PGC: variants seen among roughly 807,000 people sequenced by gnomAD.
PGC encodes gastricsin.
A neutral mutation model predicts 45.9 loss-of-function variants in PGC; 31 were observed. That is an observed-to-expected ratio of 0.67 (90% CI 0.51 to 0.91). PGC has a LOEUF of 0.91. Among genes scored for constraint, PGC ranks in the 40% least tolerant of loss-of-function variants. The pLI is 0.00. For missense variants in PGC, 477 were observed against 493.2 expected (o/e 0.97, Z 0.31); for synonymous variants, 192 against 201.8 (o/e 0.95, Z 0.41).
intron 5 of PGC, 48 bp downstream of exon 5, chr6:41,742,242 G>A (rs1167821129): frequency 2.6e-6 from 4 of 1,552,644 alleles, no homozygotes; most frequent in East Asian, 2.2e-5. Context: ...GTCCAGGGCG[G>A]CCGGGGGAGC....
At chr6:41,742,618 T>A in intron 4 of PGC, 129 bp from the exon 5 acceptor site, 1 of 713,034 alleles carries the variant, frequency 1.4e-6, no homozygotes, top group Non-Finnish European at 2.4e-6. Context: ...TTGTTTTGGT[T>A]TTCTTGTTTG....
At chr6:41,740,062 G>C in intron 6 of PGC, 116 bp from the exon 7 acceptor site, 1 of 863,670 alleles carries the variant, frequency 1.2e-6, no homozygotes, top group South Asian at 1.7e-5. Flanking sequence ...GGAAAGTGAG[G>C]ACCCTGCAAA....
chr6:41,741,594 C>A (rs1400601612), intron 5 of PGC, among the ~76,000 whole-genome samples: 1 of 152,112 alleles, frequency 6.6e-6, no homozygotes, highest in Non-Finnish European at 1.5e-5. Context: ...AGCAGTGAGC[C>A]GAGATTGCGC....
rs867509121 is a variant in PGC, at chr6:41,738,205, T to C, written c.916-377A>G. ...ATATATATATGCATATATATATGCA[T>C]ATATATATGCATATATATATGCATA... On this transcript the variant is annotated intron_variant, in intron 7 of 8. Transcript: ENST00000373025. Among the ~76,000 whole-genome samples the C allele has an allele frequency of 9.3e-4, 59 of 63,302 alleles. 1 individual carries two copies. Among genetic ancestry groups the C allele is most frequent in the South Asian group, 1.6e-3 (3 of 1,890 alleles). The allele number at this position is 63,302 out of a possible 152,430, so 41.5% of individuals were successfully genotyped here.
At position 41,742,433 on chromosome 6, in the gene PGC, A is replaced by T. The variant is rs1408597032; in HGVS notation, c.504T>A (p.Gly168=). Reference sequence around the variant, plus strand: ...CAAACTGCGCATAGACGAAGTTGGTACCAGGCTCATTCTCACTCAAGCCGA... The same window carrying T: ...CAAACTGCGCATAGACGAAGTTGGTTCCAGGCTCATTCTCACTCAAGCCGA... ...QEFGLSENEP[G]TNFVYAQFDG... The change falls in exon 5 of 9, where the codon GGT becomes GGA. Residue 168 remains glycine, a synonymous_variant. Transcript: ENST00000373025. The T allele has an allele frequency of 1.9e-6, 3 of 1,613,974 alleles. No homozygotes were observed. Among genetic ancestry groups the T allele is most frequent in the Non-Finnish European group, 2.5e-6 (3 of 1,180,008 alleles).
chr6:41,738,268 A>T (rs1283152506), intron 7 of PGC, among the ~76,000 whole-genome samples: 1 of 137,432 alleles, frequency 7.3e-6, no homozygotes, highest in Non-Finnish European at 1.5e-5. Flanking sequence ...ATATATGCAC[A>T]CACACACACA....
chr6:41,739,855 G>C lies in PGC; in HGVS notation c.859C>G (p.Gln287Glu). ...GCCTGCAGAAGAGCACTCATGTACT[G>C]CTGGGGCACAGTGAGCAGAGAGGTG... ...TGTSLLTVPQ[Q>E]YMSALLQATG... is the part of the protein sequence containing the mutation. The change falls in exon 7 of 9, where the codon CAG (glutamine) becomes GAG (glutamate). Residue 287 changes from glutamine to glutamate, a missense_variant. Transcript: ENST00000373025. The C allele has an allele frequency of 6.2e-7, 1 of 1,614,158 alleles. No individual in the cohort carries two copies.
At chr6:41,741,002 G>T in intron 5 of PGC, 5 of 1,533,370 alleles carry the variant, frequency 3.3e-6, no homozygotes, top group Non-Finnish European at 4.4e-6. Flanking sequence ...GCTGACTTCT[G>T]GGGGGTCCCC....
At chr6:41,740,942 G>A in intron 5 of PGC, 1 of 1,496,788 alleles carries the variant, frequency 6.7e-7, no homozygotes. Flanking sequence ...TTAGACTGGG[G>A]CTTTCTGGCC....
chr6:41,736,956 G>C lies in PGC; in HGVS notation c.1063C>G (p.Gln355Glu), dbSNP rs1396655788. Reference sequence around the variant, plus strand: ...AGGATCCACAGGGGCTGGCCGTTCTGGGAGGACAGGTAGGTGGGCTCGACT... The same window carrying C: ...AGGATCCACAGGGGCTGGCCGTTCTCGGAGGACAGGTAGGTGGGCTCGACT... ...VGVEPTYLSSQNGQPLWILGD... is the reference protein window; with the variant it reads ...VGVEPTYLSSENGQPLWILGD... The change falls in exon 9 of 9, where the codon CAG becomes GAG. Residue 355 changes from glutamine to glutamate, a missense_variant. Transcript: ENST00000373025. 6.2e-7 allele frequency: 1 copy of C among 1,613,938 alleles called. No homozygotes were observed. Among genetic ancestry groups the C allele is most frequent in the African/African-American group, 1.3e-5 (1 of 74,912 alleles).
intron 7 of PGC, among the ~76,000 whole-genome samples, 190 bp downstream of exon 7, chr6:41,739,609 G>C (rs1771785083): frequency 6.6e-6 from 1 of 152,192 alleles, no homozygotes; most frequent in South Asian, 2.1e-4. Flanking sequence ...TGTAGAGACA[G>C]AGTCTCGCCA....
At chr6:41,745,619 G>A (rs1187332725) in intron 1 of PGC, among the ~76,000 whole-genome samples, 4 of 146,252 alleles carry the variant, frequency 2.7e-5, no homozygotes, top group African/African-American at 5.1e-5. Flanking sequence ...GCTTGATCTC[G>A]GCTCACCTCA....
chr6:41,744,572 C>G lies in PGC; in HGVS notation c.211-58G>C. The G allele has an allele frequency of 6.3e-7, 1 of 1,587,502 alleles. No individual in the cohort carries two copies. The highest frequency in any genetic ancestry group is 1.1e-5 in the South Asian group (1 of 89,624). On this transcript the variant is annotated intron_variant, in intron 2 of 8. Coordinates refer to ENST00000373025, the MANE Select transcript of PGC (RefSeq NM_002630.4). This position sits in a 1 kb window ranked among gnomAD's most constrained non-coding sequence, Gnocchi z 4.4. ...AGGGATCCAGGGGCCCCAGGCTCCT[C>G]CATGGGCAGAGGAGTGAAGGGACCT... is the stretch of plus-strand genomic sequence containing the variant.
chr6:41,738,195 T>TATATGC (rs1771740960), intron 7 of PGC, among the ~76,000 whole-genome samples: 2 of 54,862 alleles, frequency 3.6e-5, no homozygotes, highest in Non-Finnish European at 7.8e-5. Context: ...TATATGCATA[T>TATATGC]ATATATGCAT....
intron 7 of PGC, among the ~76,000 whole-genome samples, chr6:41,739,227 C>T (rs1322681857): frequency 1.3e-5 from 2 of 152,184 alleles, no homozygotes; most frequent in East Asian, 1.9e-4. Context: ...CAAGCATTTC[C>T]TCTGTTTCTG....
chr6:41,737,029 T>C, intron 8 of PGC, 25 bp from the exon 9 acceptor site: 1 of 1,604,254 alleles, frequency 6.2e-7, no homozygotes, highest in East Asian at 2.2e-5. Context: ...AAGGCAGCAC[T>C]CATTCATTTG....
chr6:41,739,329 C>T (rs1771779890), intron 7 of PGC, among the ~76,000 whole-genome samples: 1 of 152,238 alleles, frequency 6.6e-6, no homozygotes, highest in African/African-American at 2.4e-5. Flanking sequence ...GAACAAGCCT[C>T]CAGGCCCCCA....
Position 41,744,693 on chromosome 6 carries a change from G to A in PGC, c.175C>T (p.Leu59Phe). Residue 59 changes from leucine to phenylalanine, a missense_variant, in exon 2 of 9, where the codon CTC becomes TTC. Leu to Phe is a conservative substitution (Grantham distance 22). Transcript: ENST00000373025. This position sits in a 1 kb window ranked among gnomAD's most constrained non-coding sequence, Gnocchi z 4.4. ...GCCATGGGCTCGTAGGTCACGCTGA[G>A]GTCACCAAAGCGGTACTTCCAAGCA... is the stretch of plus-strand genomic sequence containing the variant. ...DPAWKYRFGD[L>F]SVTYEPMAYM... 6.2e-7 allele frequency: 1 copy of A among 1,614,164 alleles called. No homozygotes were observed. The highest frequency in any genetic ancestry group is 8.5e-7 in the Non-Finnish European group (1 of 1,180,014).
intron 5 of PGC, chr6:41,741,705 A>C (rs1229752580): frequency 3.6e-6 from 3 of 831,040 alleles, no homozygotes; most frequent in Non-Finnish European, 5.8e-6. Flanking sequence ...AGAAGAACAA[A>C]GAAAAGCAGG....
Sources: allele counts gnomAD v4.1 joint callset (sites outside exome capture counted in the v4.1 genomes callset), GRCh38; gene constraint gnomAD v4.1.1; non-coding constraint Gnocchi (gnomAD v3.1); transcripts MANE v1.5; gene names NCBI Gene and HGNC (gene_info 2026-07-23, HGNC 2026-07-21).